TANC2: variants seen among roughly 807,000 people sequenced by gnomAD.
The protein encoded by TANC2 is protein TANC2.
A neutral mutation model predicts 210.5 loss-of-function variants in TANC2; 26 were observed. The ratio of observed to expected loss-of-function variants is 0.12; its 90% CI spans 0.09 to 0.17. The LOEUF is 0.17. TANC2 is among the 10% of genes least tolerant of loss of function. TANC2 has a pLI of 1.00. For missense variants in TANC2, 2,129 were observed against 2,608.9 expected, an observed-to-expected ratio of 0.82 and a Z score of 4.01; for synonymous variants, 931 against 967.1, an observed-to-expected ratio of 0.96 and a Z score of 0.69.
chr17:63,246,025 A>G (rs2042910039), intron 8 of TANC2, among the ~76,000 whole-genome samples: 1 of 144,176 alleles, frequency 6.9e-6, no homozygotes, highest in African/African-American at 2.6e-5. Context: ...AAAAAAAAAA[A>G]TTATATGTAT....
intron 4 of TANC2, among the ~76,000 whole-genome samples, chr17:63,100,525 G>A (rs1268115510): frequency 6.6e-6 from 1 of 152,034 alleles, no homozygotes; most frequent in Non-Finnish European, 1.5e-5. Context: ...AAAATATGAT[G>A]AATTTTATGT....
At chr17:63,050,906 T>C (rs970536778) in intron 2 of TANC2, among the ~76,000 whole-genome samples, 7 of 152,256 alleles carry the variant, frequency 4.6e-5, no homozygotes, top group African/African-American at 1.4e-4. Flanking sequence ...TTTGCAATTC[T>C]GTGTCCTAAA....
intron 5 of TANC2, among the ~76,000 whole-genome samples, chr17:63,176,545 C>T (rs2040586969): frequency 1.3e-5 from 2 of 152,266 alleles, no homozygotes; most frequent in South Asian, 2.1e-4. Flanking sequence ...GTGGCTTACG[C>T]CTGTAATCCC....
At chr17:63,030,522 A>G (rs529018026) in intron 2 of TANC2, among the ~76,000 whole-genome samples, 43 of 152,206 alleles carry the variant, frequency 2.8e-4, no homozygotes, top group African/African-American at 9.9e-4. Context: ...TACTAGAACA[A>G]CTAATCCCTT....
intron 10 of TANC2, among the ~76,000 whole-genome samples, chr17:63,317,620 G>A (rs1171991888): frequency 6.6e-6 from 1 of 152,086 alleles, no homozygotes; most frequent in Non-Finnish European, 1.5e-5. Flanking sequence ...GTTATTATTT[G>A]GATTTGACAT....
chr17:63,008,440 A>G (rs1344725440), intron 1 of TANC2, among the ~76,000 whole-genome samples: 1 of 152,024 alleles, frequency 6.6e-6, no homozygotes, highest in African/African-American at 2.4e-5. Context: ...TGTTTGCTCT[A>G]TTTAATCTGC....
chr17:63,281,901 T>C (rs72845238), intron 9 of TANC2, among the ~76,000 whole-genome samples: 23,174 of 151,978 alleles, frequency 0.15, 2,101 homozygotes, highest in Middle Eastern at 0.21. Flanking sequence ...TTATAGGAGC[T>C]ACCGAAAACT....
chr17:63,011,134 A>G (rs1176764431), intron 2 of TANC2, among the ~76,000 whole-genome samples: 1 of 152,150 alleles, frequency 6.6e-6, no homozygotes, highest in Non-Finnish European at 1.5e-5. Context: ...GTTAGCATAT[A>G]GAAAACCACT....
chr17:63,345,446 C>G (rs1658675492), intron 12 of TANC2, among the ~76,000 whole-genome samples: 1 of 151,928 alleles, frequency 6.6e-6, no homozygotes, highest in Non-Finnish European at 1.5e-5. Flanking sequence ...ATGGAGAAAC[C>G]CTGTCTCTAC....
intron 14 of TANC2, among the ~76,000 whole-genome samples, chr17:63,371,177 G>A (rs2047257151): frequency 6.6e-6 from 1 of 151,838 alleles, no homozygotes; most frequent in African/African-American, 2.4e-5. Flanking sequence ...GAATATCAAA[G>A]CACCTGGCCA....
chr17:63,174,382 A>G (rs1488130565), intron 5 of TANC2, among the ~76,000 whole-genome samples: 1 of 152,236 alleles, frequency 6.6e-6, no homozygotes, highest in East Asian at 1.9e-4. Flanking sequence ...TAAGTTGGAA[A>G]ACACAAAGTT....
chr17:63,395,877 C>T, exon 18 of TANC2: 1 of 1,610,632 alleles, frequency 6.2e-7, no homozygotes, highest in Non-Finnish European at 8.5e-7. Flanking sequence ...TTAAGAAGAG[C>T]CATGCCATCC....
chr17:63,114,642 C>G (rs1288670567), intron 4 of TANC2, among the ~76,000 whole-genome samples: 2 of 152,090 alleles, frequency 1.3e-5, no homozygotes, highest in Non-Finnish European at 2.9e-5. Context: ...GTATGTACAT[C>G]TCTTCATAAA....
intron 9 of TANC2, among the ~76,000 whole-genome samples, chr17:63,285,891 G>T (rs2044206347): frequency 6.6e-6 from 1 of 152,012 alleles, no homozygotes; most frequent in African/African-American, 2.4e-5. Context: ...GGTACAATGA[G>T]CCGTTCTTAC....
intron 11 of TANC2, among the ~76,000 whole-genome samples, chr17:63,335,740 G>T (rs2046004452): frequency 6.6e-6 from 1 of 151,884 alleles, no homozygotes; most frequent in Non-Finnish European, 1.5e-5. Flanking sequence ...AACAGGAAAA[G>T]ACATAGTGGA....
At chr17:63,350,609 A>T (rs1278462216) in intron 12 of TANC2, among the ~76,000 whole-genome samples, 1 of 152,142 alleles carries the variant, frequency 6.6e-6, no homozygotes, top group Non-Finnish European at 1.5e-5. Context: ...CACTTTTGGG[A>T]AGATCATGCA....
At chr17:63,053,096 T>G (rs999993535) in intron 2 of TANC2, among the ~76,000 whole-genome samples, 5 of 152,184 alleles carry the variant, frequency 3.3e-5, no homozygotes, top group Admixed American at 2.0e-4. Context: ...AGTAATTCAG[T>G]GTCAACAACA....
At position 63,153,003 on chromosome 17, in the gene TANC2, C is replaced by G. The variant is rs190783727; in HGVS notation, c.433+1623C>G. 4.6e-5 allele frequency: 7 copies of G among 152,212 alleles called. 1 individual carries two copies. In the East Asian group the frequency reaches 1.4e-3, roughly 29 times the overall value. The allele number at this position is 152,212 out of a possible 1,614,324, so 9.4% of individuals were successfully genotyped here. ...AATATCAAAGTGCTGCTAAAAAAGT[C>G]TTTCCTTTTCTTATCTGAAACAATT... On this transcript the variant is annotated intron_variant, in intron 5 of 27. Transcript: ENST00000689528.
chr17:63,178,882 A>G (rs947677999), intron 5 of TANC2, among the ~76,000 whole-genome samples: 6 of 152,228 alleles, frequency 3.9e-5, no homozygotes, highest in African/African-American at 1.4e-4. Context: ...TACATTGGCT[A>G]TTAGACATTC....
Sources: allele counts gnomAD v4.1 joint callset (sites outside exome capture counted in the v4.1 genomes callset), GRCh38; gene constraint gnomAD v4.1.1; transcripts MANE v1.5; gene names NCBI Gene and HGNC (gene_info 2026-07-23, HGNC 2026-07-21).